CYB561D2: variants seen among roughly 807,000 people sequenced by gnomAD.
CYB561D2 encodes the protein cytochrome b561 family member D2.
In CYB561D2, 16 loss-of-function variants were observed where a neutral mutation model predicts 20.2. That is an observed-to-expected ratio of 0.79 (90% CI 0.53 to 1.20). The LOEUF is 1.20. Ranked by LOEUF, CYB561D2 falls within the 50% of genes most tolerant of loss-of-function variation. The pLI is 0.00. For synonymous variants in CYB561D2, 135 were observed against 128.3 expected (o/e 1.05, Z -0.35); for missense variants, 247 against 270.3 (o/e 0.91, Z 0.60).
chr3:50,353,023 G>A (rs587604400), intron 3 of CYB561D2, among the ~76,000 whole-genome samples: 2 of 152,264 alleles, frequency 1.3e-5, no homozygotes, highest in Admixed American at 1.3e-4. Context: ...TTTCAGACTG[G>A]CACCTAGGAG....
At position 50,352,474 on chromosome 3, in the gene CYB561D2, G is replaced by A. The variant is rs587646067; in HGVS notation, c.165+428G>A. On this transcript the variant is annotated intron_variant, in intron 3 of 3. Transcript: ENST00000425346. ...TAACCTCTAACCTAGGCGACAGAGC[G>A]AGGCTCTGTCCCAAAAAAAAAAAAA... Among the ~76,000 whole-genome samples, 364 of 144,868 alleles carry A rather than the reference G, an allele frequency of 2.5e-3. 2 individuals carry two copies. The highest frequency in any genetic ancestry group is 8.9e-3 in the African/African-American group (344 of 38,478).
chr3:50,351,365 A>G lies in CYB561D2; in HGVS notation c.-25-44A>G. 9 of 1,578,738 alleles carry G rather than the reference A, an allele frequency of 5.7e-6. No individual in the cohort carries two copies. The Middle Eastern group carries it at 1.3e-3, about 237-fold the overall frequency. The stretch of plus-strand genomic sequence containing the variant: ...CAGCCTTTTCTCCAGTGAGGAGTGA[A>G]CAGTGGGCACCTGAGATCCTGGCCC... On this transcript the variant is annotated intron_variant, in intron 1 of 3. Coordinates refer to ENST00000425346, the MANE Select transcript of CYB561D2 (RefSeq NM_001291284.2).
chr3:50,351,633 TC>T, intron 2 of CYB561D2, 73 bp downstream of exon 2: 2 of 1,560,580 alleles, frequency 1.3e-6, no homozygotes, highest in Non-Finnish European at 1.7e-6. Context: ...CAGTGGGACT[TC>T]CGGGAACAGG....
chr3:50,353,289 T>C lies in CYB561D2; in HGVS notation c.214T>C (p.Ser72Pro), dbSNP rs1165528573. 1 of 1,594,504 alleles carries C rather than the reference T, an allele frequency of 6.3e-7. No homozygotes were observed. Among genetic ancestry groups the C allele is most frequent in the African/African-American group, 1.3e-5 (1 of 74,750 alleles). The stretch of plus-strand genomic sequence containing the variant: ...ACTACTGGTGTTTTCTCCTGAGAGT[T>C]CGCTGCTGCACTCCCTCTCACGGAA... ...EALLVFSPES[S>P]LLHSLSRKGR... The change falls in exon 4 of 4, where the codon TCG (serine) becomes CCG (proline). Residue 72 changes from serine (S) to proline (P), a missense_variant. By Grantham distance (74) the Ser-to-Pro change is moderately conservative (BLOSUM62 -1). Transcript: ENST00000425346.
rs774877638 is a variant in CYB561D2 at position 50,352,094 on chromosome 3, G to T, written c.165+48G>T. On this transcript the variant is annotated intron_variant, in intron 3 of 3. Coordinates refer to ENST00000425346, the MANE Select transcript of CYB561D2 (RefSeq NM_001291284.2). Reference sequence around the variant, plus strand: ...TCTTAGGGGTGGGAGCATGGGCATGGTTGGTGGCCCTGGCAGCCTCTGAAT... The same window carrying T: ...TCTTAGGGGTGGGAGCATGGGCATGTTTGGTGGCCCTGGCAGCCTCTGAAT... 2.5e-4 allele frequency: 403 copies of T among 1,605,558 alleles called. 1 individual carries two copies. Among genetic ancestry groups the T allele is most frequent in the East Asian group, 1.5e-3 (69 of 44,796 alleles).
rs111559356 is a variant in CYB561D2 at position 50,353,652 on chromosome 3, T to A, written c.577T>A (p.Tyr193Asn). The change falls in exon 4 of 4, where the codon TAC (tyrosine) becomes AAC (asparagine). Residue 193 changes from tyrosine to asparagine, a missense_variant. By Grantham distance (143) the Tyr-to-Asn change is moderately radical. Transcript: ENST00000425346. ...TGCCTCTGTCACTGGTGCAGCCTGG[T>A]ACCTGGCTGTATTATGCCCTGTCCT... ...FTASVTGAAW[Y>N]LAVLCPVLTS... is the part of the protein sequence containing the mutation. 473 of 1,613,650 alleles carry A rather than the reference T, an allele frequency of 2.9e-4. 2 individuals carry two copies. In the African/African-American group the frequency reaches 5.4e-3, roughly 18 times the overall value.
rs1703737538 is a variant in CYB561D2, at chr3:50,350,902, G to A, written c.-108G>A. ...AAGTAAAGCGGCTCCGTGACGGAGC[G>A]GCGGTGCGCGCGGCAGGGCCCGGAG... On this transcript the variant is annotated 5_prime_UTR_variant, in exon 1 of 4. Coordinates refer to ENST00000425346, the MANE Select transcript of CYB561D2 (RefSeq NM_001291284.2). This position sits in a 1 kb window ranked among gnomAD's most constrained non-coding sequence, Gnocchi z 5.7. 7.2e-7 allele frequency: 1 copy of A among 1,397,040 alleles called. No homozygotes were observed. Among genetic ancestry groups the A allele is most frequent in the Non-Finnish European group, 9.3e-7 (1 of 1,081,058 alleles). The allele number at this position is 1,397,040 out of a possible 1,614,324, so 86.5% of individuals were successfully genotyped here.
Position 50,350,969 on chromosome 3 carries a change from G to C in CYB561D2, c.-41G>C. The C allele has an allele frequency of 8.0e-7, 1 of 1,250,408 alleles. No individual in the cohort carries two copies. The highest frequency in any genetic ancestry group is 1.0e-6 in the Non-Finnish European group (1 of 971,094). 77.5% of individuals were successfully genotyped at this position (1,250,408 alleles called of 1,614,324 possible). ...GAGGAAACCACCGCATCAGATCTGCGCTGCGGCAGAGGCAGGCAAGTCCCT... is the reference window on the plus strand; with the variant it reads ...GAGGAAACCACCGCATCAGATCTGCCCTGCGGCAGAGGCAGGCAAGTCCCT... On this transcript the variant is annotated 5_prime_UTR_variant, in exon 1 of 4. Transcript: ENST00000425346. This position sits in a 1 kb window ranked among gnomAD's most constrained non-coding sequence, Gnocchi z 5.7.
intron 1 of CYB561D2, 135 bp from the exon 2 acceptor site, chr3:50,351,274 G>A (rs1315516573): frequency 1.0e-6 from 1 of 972,506 alleles, no homozygotes; most frequent in Admixed American, 3.0e-5. Context: ...GACCATTCCT[G>A]GTGCTGGTCT....
intron 1 of CYB561D2, 198 bp downstream of exon 1, chr3:50,351,182 C>T (rs1381781082): frequency 2.2e-5 from 12 of 533,438 alleles, no homozygotes; most frequent in Non-Finnish European, 3.2e-5. Flanking sequence ...GCGCCTCCTA[C>T]CTGGAAGGCG....
At chr3:50,351,224 T>C (rs1365715497) in intron 1 of CYB561D2, 185 bp from the exon 2 acceptor site, 11 of 634,644 alleles carry the variant, frequency 1.7e-5, no homozygotes, top group Non-Finnish European at 2.6e-5. Flanking sequence ...CAGACATGGG[T>C]ACACGTTGAC....
Position 50,353,949 on chromosome 3 carries a change from T to C in CYB561D2, c.*205T>C, listed in dbSNP as rs1703828537. 3 of 596,532 alleles carry C rather than the reference T, an allele frequency of 5.0e-6. No individual in the cohort carries two copies. The highest frequency in any genetic ancestry group is 5.7e-5 in the East Asian group (2 of 35,224). The allele number at this position is 596,532 out of a possible 1,614,324, so 37.0% of individuals were successfully genotyped here. On this transcript the variant is annotated 3_prime_UTR_variant, in exon 4 of 4. Transcript: ENST00000425346. ...CTTTCTCTGTCATCCCAGAGGAACA[T>C]AGGCATCATGTGTCTGGATGAAGCT... is the stretch of plus-strand genomic sequence containing the variant.
In CYB561D2 at chr3:50,353,661, G is replaced by A. The variant is rs201691431; in HGVS notation, c.586G>A (p.Val196Ile). ...CACTGGTGCAGCCTGGTACCTGGCT[G>A]TATTATGCCCTGTCCTCACCAGCTT... is the stretch of plus-strand genomic sequence containing the variant. ...SVTGAAWYLAVLCPVLTSLVI... is the reference protein window; with the variant it reads ...SVTGAAWYLAILCPVLTSLVI... Residue 196 changes from valine to isoleucine, a missense_variant, in exon 4 of 4, where the codon GTA becomes ATA. Transcript: ENST00000425346. The A allele has an allele frequency of 9.2e-5, 148 of 1,613,444 alleles. 1 individual carries two copies. Among genetic ancestry groups the A allele is most frequent in the Non-Finnish European group, 2.5e-6 (3 of 1,180,042 alleles).
rs914894424 is a variant in CYB561D2 at position 50,350,927 on chromosome 3, G to C, written c.-83G>C. 3 of 1,381,118 alleles carry C rather than the reference G, an allele frequency of 2.2e-6. No homozygotes were observed. The highest frequency in any genetic ancestry group is 2.8e-6 in the Non-Finnish European group (3 of 1,070,358). 85.6% of individuals were successfully genotyped at this position (1,381,118 alleles called of 1,614,324 possible). ...GGCGGTGCGCGCGGCAGGGCCCGGA[G>C]TATCCCGCTTTCTTTGGAGGAAACC... On this transcript the variant is annotated 5_prime_UTR_variant, in exon 1 of 4. Coordinates refer to ENST00000425346, the MANE Select transcript of CYB561D2 (RefSeq NM_001291284.2). The surrounding 1 kb of genome is among the most constrained non-coding windows in gnomAD (Gnocchi z 5.7).
chr3:50,351,336 C>T, intron 1 of CYB561D2, 73 bp from the exon 2 acceptor site: 4 of 1,500,082 alleles, frequency 2.7e-6, no homozygotes, highest in Non-Finnish European at 3.6e-6. Context: ...GCATTCCTGC[C>T]TTGCAGCCTT....
Position 50,350,865 on chromosome 3 carries a change from C to A in CYB561D2, c.-145C>A, listed in dbSNP as rs1703735495. 1 of 1,404,230 alleles carries A rather than the reference C, an allele frequency of 7.1e-7. No homozygotes were observed. Among genetic ancestry groups the A allele is most frequent in the Admixed American group, 3.4e-5 (1 of 29,588 alleles). 87.0% of individuals were successfully genotyped at this position (1,404,230 alleles called of 1,614,324 possible). A position where few individuals can be genotyped will look rare whatever the true frequency, so the allele number is the denominator to read the frequency against. On this transcript the variant is annotated 5_prime_UTR_variant, in exon 1 of 4. Transcript: ENST00000425346. The surrounding 1 kb of genome is among the most constrained non-coding windows in gnomAD (Gnocchi z 5.7). ...TCCCAGGAAGTCCTGGGTGGGTAGA[C>A]GTCGCACCCGGAAGTAAAGCGGCTC...
Position 50,353,358 on chromosome 3 carries a change from C to T in CYB561D2, c.283C>T (p.Leu95=). The change falls in exon 4 of 4, where the codon CTG becomes TTG. Residue 95 remains leucine (L), a synonymous_variant. Transcript: ENST00000425346. ...CTGGGTGCTGCAGCTGCTGGCCCTG[C>T]TGTGTGCACTGCTGGGCCTCGGCCT... ...CHWVLQLLAL[L]CALLGLGLVI... is the part of the protein sequence containing the mutation. The T allele has an allele frequency of 6.2e-7, 1 of 1,613,562 alleles. No homozygotes were observed. The highest frequency in any genetic ancestry group is 2.2e-5 in the East Asian group (1 of 44,886).
In CYB561D2 at chr3:50,351,474, C is replaced by G; in HGVS notation, c.41C>G (p.Ala14Gly). Residue 14 changes from alanine (A) to glycine (G), a missense_variant, in exon 2 of 4, where the codon GCT becomes GGT. Transcript: ENST00000425346. ...GAGACCGAGTCACACATCTACCGAG[C>G]TCTGCGTACTGCTTCTGGCGCTGCC... ...SAETESHIYR[A>G]LRTASGAAAH... 6.2e-7 allele frequency: 1 copy of G among 1,613,826 alleles called. No homozygotes were observed. Among genetic ancestry groups the G allele is most frequent in the Non-Finnish European group, 8.5e-7 (1 of 1,180,000 alleles).
Position 50,353,732 on chromosome 3 carries a change from G to T in CYB561D2, c.657G>T (p.Arg219Ser). Residue 219 changes from arginine (R) to serine (S), a missense_variant, in exon 4 of 4, where the codon AGG becomes AGT. Coordinates refer to ENST00000425346, the MANE Select transcript of CYB561D2 (RefSeq NM_001291284.2). ...GCAATGCCTACCTATACCGCAAGAG[G>T]ATCCAACCATGAGCTCTTCCCAGCC... ...QVSNAYLYRKRIQP is the reference protein window; with the variant it reads ...QVSNAYLYRKSIQP 1 of 1,598,528 alleles carries T rather than the reference G, an allele frequency of 6.3e-7. No homozygotes were observed.
Sources: allele counts gnomAD v4.1 joint callset (sites outside exome capture counted in the v4.1 genomes callset), GRCh38; gene constraint gnomAD v4.1.1; non-coding constraint Gnocchi (gnomAD v3.1); transcripts MANE v1.5; gene names NCBI Gene and HGNC (gene_info 2026-07-23, HGNC 2026-07-21).